The following GREB1 variants were observed in gnomAD, a reference collection of about 807,000 sequenced individuals.
GREB1 encodes the protein growth regulating estrogen receptor binding 1.
In GREB1, 106 loss-of-function variants were observed where a neutral mutation model predicts 200.7. The observed-to-expected ratio is 0.53, with a 90% CI of 0.45 to 0.62. The LOEUF is 0.62. Ranked by LOEUF, GREB1 falls within the 20% of genes least tolerant of loss-of-function variation. The probability of loss-of-function intolerance (pLI) is 0.00; values close to 1 mark genes in which losing one functional copy is unlikely to be tolerated. For synonymous variants in GREB1, 1,132 were observed against 1,092.4 expected, an observed-to-expected ratio of 1.04 and a Z score of -0.72; for missense variants, 2,243 against 2,556.8, an observed-to-expected ratio of 0.88 and a Z score of 2.65.
intron 1 of GREB1, among the ~76,000 whole-genome samples, chr2:11,544,077 T>G (rs979340242): frequency 2.6e-5 from 4 of 152,168 alleles, no homozygotes; most frequent in African/African-American, 9.7e-5. Context: ...AGATGGAGGC[T>G]TCATTTAGAC....
chr2:11,636,749 TGGGCAGGGGCAA>T (rs1558675003), intron 30 of GREB1, among the ~76,000 whole-genome samples: 3 of 73,546 alleles, frequency 4.1e-5, no homozygotes, highest in East Asian at 5.6e-4. Context: ...GGCATGGGCA[TGGGCAGGGGCAA>T]GGGCAGGGGC....
At chr2:11,632,148 C>T (rs1684925630) in intron 27 of GREB1, 35 bp downstream of exon 27, 6 of 1,446,480 alleles carry the variant, frequency 4.1e-6, no homozygotes, top group Non-Finnish European at 4.9e-6. Context: ...CTCAGTCAAA[C>T]TCCTGTGAAC....
rs750436779 is a variant in GREB1, at chr2:11,598,334, A to T, written c.2153-346A>T. The stretch of plus-strand genomic sequence containing the variant: ...AAAGGACTCACTCTTTAGTGGTGTC[A>T]TGTATCGCCCTGTGGCATTCAGACT... On this transcript the variant is annotated intron_variant, in intron 14 of 32. Coordinates refer to ENST00000381486, the MANE Select transcript of GREB1 (RefSeq NM_014668.4). Among the ~76,000 whole-genome samples, 67 of 152,328 alleles carry T rather than the reference A, an allele frequency of 4.4e-4. 1 individual carries two copies. Among genetic ancestry groups the T allele is most frequent in the Non-Finnish European group, 5.6e-4 (38 of 68,038 alleles).
Position 11,633,147 on chromosome 2 carries a change from C to A in GREB1, c.4991+84C>A. 2.2e-6 allele frequency: 3 copies of A among 1,376,078 alleles called. No homozygotes were observed. Among genetic ancestry groups the A allele is most frequent in the Non-Finnish European group, 2.0e-6 (2 of 976,094 alleles). The allele number at this position is 1,376,078 out of a possible 1,614,324, so 85.2% of individuals were successfully genotyped here. ...GCCCTCTTTGTATGGGGAATGTGCCCACCCCTGGAAGACCGGAGGGCCTCT... is the reference window on the plus strand; with the variant it reads ...GCCCTCTTTGTATGGGGAATGTGCCAACCCCTGGAAGACCGGAGGGCCTCT... On this transcript the variant is annotated intron_variant, in intron 28 of 32. Coordinates refer to ENST00000381486, the MANE Select transcript of GREB1 (RefSeq NM_014668.4). This position sits in a 1 kb window ranked among gnomAD's most constrained non-coding sequence, Gnocchi z 4.1.
Position 11,596,145 on chromosome 2 carries a change from C to T in GREB1, c.1860C>T (p.His620=), listed in dbSNP as rs1429928026. 2 of 1,613,504 alleles carry T rather than the reference C, an allele frequency of 1.2e-6. No homozygotes were observed. Among genetic ancestry groups the T allele is most frequent in the Non-Finnish European group, 1.7e-6 (2 of 1,179,588 alleles). ...TTGACATTTTGCTGGACAAATTTCA[C>T]CAGGAAAATCAAGGCCATATTTCTT... is the stretch of plus-strand genomic sequence containing the variant. ...GDIDILLDKF[H]QENQGHISSS... is the part of the protein sequence containing the mutation. Residue 620 remains histidine (H), a synonymous_variant, in exon 13 of 33, where the codon CAC becomes CAT. Coordinates refer to ENST00000381486, the MANE Select transcript of GREB1 (RefSeq NM_014668.4).
chr2:11,552,743 G>A (rs1396093068), intron 1 of GREB1, among the ~76,000 whole-genome samples: 6 of 152,014 alleles, frequency 3.9e-5, no homozygotes, highest in South Asian at 2.1e-4. Context: ...CGGGCGCGGT[G>A]GCTCACGCCT....
intron 4 of GREB1, among the ~76,000 whole-genome samples, chr2:11,570,176 C>T (rs915080976): frequency 3.3e-5 from 5 of 151,700 alleles, no homozygotes; most frequent in Non-Finnish European, 7.4e-5. Flanking sequence ...TGGGAGGCTG[C>T]GGGGAGTGGA....
chr2:11,578,128 G>A lies in GREB1; in HGVS notation c.638-169G>A, dbSNP rs143484061. Reference sequence around the variant, plus strand: ...GGCACGTAGCCACAAGTAGAGAGTCGCACCCCTGCCCTGGCTTCACGCTGA... The same window carrying A: ...GGCACGTAGCCACAAGTAGAGAGTCACACCCCTGCCCTGGCTTCACGCTGA... On this transcript the variant is annotated intron_variant, in intron 5 of 32. Coordinates refer to ENST00000381486, the MANE Select transcript of GREB1 (RefSeq NM_014668.4). Among the ~76,000 whole-genome samples, 275 of 152,240 alleles carry A rather than the reference G, an allele frequency of 1.8e-3. 1 individual carries two copies. The highest frequency in any genetic ancestry group is 4.1e-3 in the African/African-American group (172 of 41,548).
intron 19 of GREB1, among the ~76,000 whole-genome samples, chr2:11,614,373 C>T (rs987014062): frequency 6.6e-5 from 10 of 152,024 alleles, no homozygotes; most frequent in Non-Finnish European, 1.2e-4. Flanking sequence ...GTGATCGGCC[C>T]GCCTTCGCCT....
intron 31 of GREB1, 67 bp downstream of exon 31, chr2:11,637,983 A>G: frequency 1.5e-6 from 2 of 1,336,550 alleles, no homozygotes; most frequent in South Asian, 1.2e-5. Flanking sequence ...ATGGGCTGGA[A>G]TCTGGGACTC....
intron 26 of GREB1, 136 bp downstream of exon 26, chr2:11,630,245 C>T (rs1345423499): frequency 2.3e-5 from 17 of 755,116 alleles, no homozygotes; most frequent in Non-Finnish European, 3.0e-5. Flanking sequence ...GCTGGTGTCG[C>T]GCACGGGCTC....
chr2:11,484,069 A>G (rs1672586801), intron 1 of GREB1, among the ~76,000 whole-genome samples: 3 of 152,168 alleles, frequency 2.0e-5, no homozygotes, highest in South Asian at 4.1e-4. Context: ...TCCATCTTCT[A>G]TAAATATTGT....
intron 4 of GREB1, among the ~76,000 whole-genome samples, chr2:11,568,914 T>TTG (rs1224427317): frequency 2.0e-5 from 3 of 152,224 alleles, no homozygotes; most frequent in Non-Finnish European, 4.4e-5. Context: ...TTAACACTGT[T>TTG]TAGGTTTCCT....
intron 1 of GREB1, among the ~76,000 whole-genome samples, chr2:11,535,710 G>A (rs978253223): frequency 3.3e-5 from 5 of 152,192 alleles, no homozygotes; most frequent in Admixed American, 3.3e-4. Flanking sequence ...GCTGAGGAAA[G>A]TCTTTAACTA....
chr2:11,560,277 C>T (rs1003612633), intron 2 of GREB1, among the ~76,000 whole-genome samples: 1 of 152,198 alleles, frequency 6.6e-6, no homozygotes, highest in Non-Finnish European at 1.5e-5. Flanking sequence ...CAATCTCTTT[C>T]TACTACACAT....
chr2:11,596,004 C>A, intron 12 of GREB1, 107 bp from the exon 13 acceptor site: 2 of 1,099,526 alleles, frequency 1.8e-6, no homozygotes, highest in Non-Finnish European at 2.7e-6. Flanking sequence ...TCCTCTTTAC[C>A]TTCATGACTC....
rs532487684 is a variant in GREB1, at chr2:11,552,757, A to G, written c.-161-3697A>G. Among the ~76,000 whole-genome samples, 493 of 152,042 alleles carry G rather than the reference A, an allele frequency of 3.2e-3. 6 individuals carry two copies. The highest frequency in any genetic ancestry group is 0.011 in the African/African-American group (462 of 41,482). On this transcript the variant is annotated intron_variant, in intron 1 of 32. Coordinates refer to ENST00000381486, the MANE Select transcript of GREB1 (RefSeq NM_014668.4). ...CCGGGCGCGGTGGCTCACGCCTGTA[A>G]TCCCAGCACTTTGGGAGGCCGAGGC...
At chr2:11,531,832 A>C (rs1253833354), upstream of GREB1, among the ~76,000 whole-genome samples, 1 of 152,174 alleles carries the variant, frequency 6.6e-6, no homozygotes, top group Non-Finnish European at 1.5e-5. Context: ...CGGCCTCCCA[A>C]AGTGCTGGGA....
chr2:11,576,307 CAA>C (rs368045289), intron 4 of GREB1, 44 bp from the exon 5 acceptor site: 2,905 of 1,160,704 alleles, frequency 2.5e-3, no homozygotes, highest in South Asian at 4.6e-3. Flanking sequence ...GACTTCATCT[CAA>C]AAAAAAAAAA....
Sources: gnomAD v4.1 joint callset for allele counts (sites outside exome capture counted in the v4.1 genomes callset) on GRCh38, gnomAD v4.1.1 for gene constraint, Gnocchi (gnomAD v3.1) non-coding constraint, MANE v1.5 for transcripts, NCBI Gene and HGNC (gene_info 2026-07-23, HGNC 2026-07-21) for gene names.